GALNT17: variants seen among roughly 807,000 people sequenced by gnomAD.
GALNT17 encodes polypeptide N-acetylgalactosaminyltransferase 17, also known as UDP-GalNAc:polypeptide N-acetylgalactosaminyltransferase-like 3.
Under a neutral mutation model 63.7 loss-of-function variants are expected in GALNT17, and 29 were observed. The ratio of observed to expected loss-of-function variants is 0.46; its 90% CI spans 0.34 to 0.62. The LOEUF (loss-of-function observed/expected upper bound fraction) is 0.62, where lower values mean the gene tolerates loss of function less well. GALNT17 is among the 20% of genes least tolerant of loss of function. The pLI is 0.01. For synonymous variants in GALNT17, 305 were observed against 318.3 expected, an observed-to-expected ratio of 0.96 and a Z score of 0.45; for missense variants, 603 against 799.6, an observed-to-expected ratio of 0.75 and a Z score of 2.97.
At chr7:71,447,248 A>G (rs1486298250) in intron 5 of GALNT17, among the ~76,000 whole-genome samples, 1 of 152,170 alleles carries the variant, frequency 6.6e-6, no homozygotes, top group Non-Finnish European at 1.5e-5. Context: ...CAACATGGCT[A>G]CAAATTTGGG....
chr7:71,310,055 G>T (rs1791388901), intron 1 of GALNT17, among the ~76,000 whole-genome samples: 1 of 152,174 alleles, frequency 6.6e-6, no homozygotes, highest in African/African-American at 2.4e-5. Flanking sequence ...CTCTTTGCCT[G>T]CCGCCATCTG....
intron 1 of GALNT17, among the ~76,000 whole-genome samples, chr7:71,280,412 C>T (rs144240064): frequency 3.2e-4 from 49 of 152,138 alleles, no homozygotes; most frequent in Non-Finnish European, 6.9e-4. Context: ...ACTATGCCAT[C>T]CTACCTCTAC....
At position 71,713,363 on chromosome 7, in the gene GALNT17, G is replaced by A. The variant is rs1323544737; in HGVS notation, c.*1217G>A. On this transcript the variant is annotated 3_prime_UTR_variant, in exon 11 of 11. Coordinates refer to ENST00000333538, the MANE Select transcript of GALNT17 (RefSeq NM_022479.3). Reference sequence around the variant, plus strand: ...TTTGGCCCCATGTCACTGGCCGGAAGGATGTGTCTCAGCCCTGCCCTGTGG... The same window carrying A: ...TTTGGCCCCATGTCACTGGCCGGAAAGATGTGTCTCAGCCCTGCCCTGTGG... The A allele has an allele frequency of 6.6e-6, 1 of 152,652 alleles. No individual in the cohort carries two copies. Among genetic ancestry groups the A allele is most frequent in the Non-Finnish European group, 1.5e-5 (1 of 68,408 alleles). The allele number at this position is 152,652 out of a possible 1,614,324, so 9.5% of individuals were successfully genotyped here. A position where few individuals can be genotyped will look rare whatever the true frequency, so the allele number is the denominator to read the frequency against.
intron 2 of GALNT17, among the ~76,000 whole-genome samples, chr7:71,357,262 G>A (rs1026108753): frequency 6.6e-5 from 10 of 152,138 alleles, no homozygotes; most frequent in African/African-American, 1.2e-4. Flanking sequence ...GAGCATGACC[G>A]CCTGAGTGCC....
chr7:71,710,381 G>A (rs990458838), intron 9 of GALNT17, among the ~76,000 whole-genome samples: 17 of 152,230 alleles, frequency 1.1e-4, no homozygotes, highest in Middle Eastern at 3.4e-3. Flanking sequence ...GGTGGTGCGC[G>A]CCTGTAATCC....
chr7:71,314,945 T>C (rs1215710805), intron 1 of GALNT17, among the ~76,000 whole-genome samples: 1 of 152,136 alleles, frequency 6.6e-6, no homozygotes, highest in Non-Finnish European at 1.5e-5. Flanking sequence ...AAAATTCACC[T>C]TAAAAAAGTC....
At chr7:71,496,945 G>A (rs1024298214) in intron 5 of GALNT17, among the ~76,000 whole-genome samples, 1 of 152,092 alleles carries the variant, frequency 6.6e-6, no homozygotes, top group East Asian at 1.9e-4. Flanking sequence ...AAGTATGATG[G>A]CATGCACCTG....
At chr7:71,699,927 CT>C (rs1248138663) in intron 9 of GALNT17, among the ~76,000 whole-genome samples, 1 of 151,628 alleles carries the variant, frequency 6.6e-6, no homozygotes. Flanking sequence ...AGTGAGACCC[CT>C]GTCTCAGAAA....
At chr7:71,229,208 A>G (rs1789740206) in intron 1 of GALNT17, among the ~76,000 whole-genome samples, 2 of 152,214 alleles carry the variant, frequency 1.3e-5, no homozygotes, top group African/African-American at 4.8e-5. Flanking sequence ...ATCGTGAAGG[A>G]TGTGGCCCAG....
intron 1 of GALNT17, among the ~76,000 whole-genome samples, chr7:71,242,272 C>CTT (rs745542157): frequency 3.7e-4 from 32 of 86,006 alleles, no homozygotes; most frequent in Non-Finnish European, 4.2e-4. Context: ...TTTTCTTTTT[C>CTT]TTTTTTTTTT....
intron 1 of GALNT17, among the ~76,000 whole-genome samples, chr7:71,216,531 C>T (rs1391100504): frequency 6.6e-6 from 1 of 151,990 alleles, no homozygotes; most frequent in African/African-American, 2.4e-5. Flanking sequence ...ACAACACACA[C>T]ACATATACGT....
rs1389125288 is a variant in GALNT17 at position 71,462,139 on chromosome 7, G to A, written c.962+41034G>A. On this transcript the variant is annotated intron_variant, in intron 5 of 10. Coordinates refer to ENST00000333538, the MANE Select transcript of GALNT17 (RefSeq NM_022479.3). The stretch of plus-strand genomic sequence containing the variant: ...TACTCAGCCACCCAGAGTCCTCCCT[G>A]GAGCCCTTGCCTGGTGGGGCACTGT... 2.6e-5 allele frequency among the ~76,000 whole-genome samples: 4 copies of A among 152,234 alleles called. No homozygotes were observed. The East Asian group carries it at 7.7e-4, about 29-fold the overall frequency.
intron 9 of GALNT17, among the ~76,000 whole-genome samples, chr7:71,708,611 G>T (rs1436294588): frequency 2.0e-5 from 3 of 152,136 alleles, no homozygotes; most frequent in East Asian, 1.9e-4. Context: ...TTTAACAAGG[G>T]TGTATTGCAT....
intron 9 of GALNT17, among the ~76,000 whole-genome samples, chr7:71,709,182 G>A (rs114201250): frequency 0.019 from 2,962 of 152,272 alleles, 108 homozygotes; most frequent in African/African-American, 0.067. Flanking sequence ...CACCAACAGT[G>A]TATAAGCATG....
chr7:71,555,899 G>A (rs1349843053), intron 5 of GALNT17, among the ~76,000 whole-genome samples: 2 of 152,136 alleles, frequency 1.3e-5, no homozygotes, highest in South Asian at 2.1e-4. Flanking sequence ...CTTGAAATCC[G>A]GGCTTAGGGA....
chr7:71,678,120 AT>A (rs1414535677), intron 9 of GALNT17, among the ~76,000 whole-genome samples: 1 of 151,208 alleles, frequency 6.6e-6, no homozygotes, highest in Non-Finnish European at 1.5e-5. Flanking sequence ...CTATTTATTT[AT>A]TTATTTATCT....
chr7:71,555,586 C>G (rs781480748), intron 5 of GALNT17, among the ~76,000 whole-genome samples: 4 of 152,032 alleles, frequency 2.6e-5, no homozygotes, highest in Non-Finnish European at 4.4e-5. Context: ...GGAGAAACAT[C>G]CAAATTATAT....
At chr7:71,535,803 A>C (rs1330996572) in intron 5 of GALNT17, among the ~76,000 whole-genome samples, 7 of 152,238 alleles carry the variant, frequency 4.6e-5, no homozygotes, top group Admixed American at 2.6e-4. Context: ...GCCAAGTGTC[A>C]AGATCCAACA....
intron 1 of GALNT17, among the ~76,000 whole-genome samples, chr7:71,304,884 C>T (rs1791261217): frequency 6.6e-6 from 1 of 152,120 alleles, no homozygotes; most frequent in Non-Finnish European, 1.5e-5. Flanking sequence ...GCTGGGATTA[C>T]AGGTGCCCGC....
Sources: gnomAD v4.1 joint callset for allele counts (sites outside exome capture counted in the v4.1 genomes callset) on GRCh38, gnomAD v4.1.1 for gene constraint, MANE v1.5 for transcripts, NCBI Gene and HGNC (gene_info 2026-07-23, HGNC 2026-07-21) for gene names.